GSDMC: variants seen among roughly 807,000 people sequenced by gnomAD.
The protein encoded by GSDMC is gasdermin-C.
Under a neutral mutation model 58.0 loss-of-function variants are expected in GSDMC, and 59 were observed. The observed-to-expected ratio is 1.02, with a 90% CI of 0.82 to 1.26. The LOEUF (loss-of-function observed/expected upper bound fraction) is 1.26, where lower values mean the gene tolerates loss of function less well. GSDMC is among the 50% of genes most tolerant of loss of function. The pLI, the probability that GSDMC is intolerant of heterozygous loss-of-function variation, is 0.00. For synonymous variants in GSDMC, 241 were observed against 220.2 expected (o/e 1.09, Z -0.83); for missense variants, 659 against 598.5 (o/e 1.10, Z -1.06).
chr8:129,749,295 A>G (rs2033072029), intron 13 of GSDMC, among the ~76,000 whole-genome samples, 157 bp downstream of exon 13: 1 of 152,168 alleles, frequency 6.6e-6, no homozygotes. Flanking sequence ...GGTCTCCAGA[A>G]GGACACTGCA....
the GSDMC span, among the ~76,000 whole-genome samples, chr8:129,707,687 C>T: frequency 6.6e-6 from 1 of 152,172 alleles, no homozygotes; most frequent in African/African-American, 2.4e-5. Flanking sequence ...TTTCTTGATA[C>T]ACATATATTC....
the GSDMC span, among the ~76,000 whole-genome samples, chr8:129,720,516 A>G: frequency 6.6e-6 from 1 of 152,208 alleles, no homozygotes; most frequent in Non-Finnish European, 1.5e-5. Flanking sequence ...ACATATAAGA[A>G]TAATTCCACA....
the GSDMC span, among the ~76,000 whole-genome samples, chr8:129,721,205 A>G: frequency 6.6e-6 from 1 of 152,042 alleles, no homozygotes; most frequent in Admixed American, 6.6e-5. Context: ...ATTGCCTCCC[A>G]CTTTAGAAAT....
At chr8:129,757,789 G>C (rs753070013) in intron 6 of GSDMC, among the ~76,000 whole-genome samples, 7 of 152,052 alleles carry the variant, frequency 4.6e-5, no homozygotes, top group Non-Finnish European at 1.5e-5. Flanking sequence ...TCAGGAGTTT[G>C]AGACCAGCCT....
the GSDMC span, among the ~76,000 whole-genome samples, chr8:129,714,277 T>C: frequency 6.6e-6 from 1 of 152,244 alleles, no homozygotes; most frequent in Non-Finnish European, 1.5e-5. Context: ...TGTCCCATGA[T>C]TATTGCCGCT....
chr8:129,748,027 A>C (rs1220869109), downstream of GSDMC, among the ~76,000 whole-genome samples: 1 of 152,072 alleles, frequency 6.6e-6, no homozygotes, highest in Admixed American at 6.5e-5. Context: ...GAAAAAAAAA[A>C]TCTCTTCTAT....
chr8:129,709,865 T>C, the GSDMC span, among the ~76,000 whole-genome samples: 10 of 152,336 alleles, frequency 6.6e-5, no homozygotes, highest in African/African-American at 2.4e-4. Context: ...AAATGACCTT[T>C]CCCCACTGGC....
chr8:129,714,697 T>G, the GSDMC span, among the ~76,000 whole-genome samples: 2 of 148,162 alleles, frequency 1.3e-5, no homozygotes, highest in East Asian at 3.9e-4. Context: ...TCCTCTAAAA[T>G]GAAGACATTC....
At chr8:129,725,399 G>A in the GSDMC span, among the ~76,000 whole-genome samples, 2 of 152,250 alleles carry the variant, frequency 1.3e-5, no homozygotes, top group Admixed American at 1.3e-4. Flanking sequence ...TTGATATTGT[G>A]TACTCTGCCA....
At chr8:129,768,809 G>C (rs534247562) in intron 3 of GSDMC, among the ~76,000 whole-genome samples, 1 of 152,336 alleles carries the variant, frequency 6.6e-6, no homozygotes, top group East Asian at 1.9e-4. Context: ...GCCAGGGCCA[G>C]TGGCTCATAC....
At chr8:129,720,395 A>C in the GSDMC span, among the ~76,000 whole-genome samples, 2 of 152,172 alleles carry the variant, frequency 1.3e-5, no homozygotes, top group Non-Finnish European at 2.9e-5. Context: ...TTTTTGTCTA[A>C]ATTCTCATTT....
the GSDMC span, among the ~76,000 whole-genome samples, chr8:129,734,475 C>G: frequency 6.6e-6 from 1 of 152,342 alleles, no homozygotes; most frequent in South Asian, 2.1e-4. Context: ...AACAGCAGAT[C>G]TCTCAGCAGA....
downstream of GSDMC, among the ~76,000 whole-genome samples, chr8:129,746,414 A>G (rs2032962744): frequency 6.6e-6 from 1 of 152,036 alleles, no homozygotes; most frequent in Admixed American, 6.6e-5. Context: ...AATGCAGACG[A>G]AAAAAAATCA....
intron 6 of GSDMC, among the ~76,000 whole-genome samples, chr8:129,753,893 CA>C (rs1184454485): frequency 6.6e-6 from 1 of 152,104 alleles, no homozygotes; most frequent in African/African-American, 2.4e-5. Flanking sequence ...TAATGGTGGC[CA>C]CAGAGAGAGC....
At chr8:129,766,120 A>C (rs1321592308) in intron 3 of GSDMC, among the ~76,000 whole-genome samples, 1 of 152,212 alleles carries the variant, frequency 6.6e-6, no homozygotes, top group Non-Finnish European at 1.5e-5. Context: ...GGCTAGAAGC[A>C]GACAGGTCCA....
At chr8:129,729,919 A>G in the GSDMC span, 1 of 1,395,250 alleles carries the variant, frequency 7.2e-7, no homozygotes, top group Non-Finnish European at 1.0e-6. Context: ...AATCCAAAAG[A>G]TTTGAGAATC....
chr8:129,747,202 A>C (rs2032980750), downstream of GSDMC, among the ~76,000 whole-genome samples: 1 of 151,866 alleles, frequency 6.6e-6, no homozygotes, highest in Non-Finnish European at 1.5e-5. Context: ...GGTTGCAGTG[A>C]GCCGAGATCG....
At chr8:129,707,555 G>A in the GSDMC span, among the ~76,000 whole-genome samples, 1 of 152,128 alleles carries the variant, frequency 6.6e-6, no homozygotes, top group African/African-American at 2.4e-5. Flanking sequence ...CTCAAATGCA[G>A]AATCACCAAA....
At chr8:129,737,454 T>C in the GSDMC span, among the ~76,000 whole-genome samples, 2 of 152,128 alleles carry the variant, frequency 1.3e-5, no homozygotes, top group African/African-American at 2.4e-5. Context: ...TGTAGACCAA[T>C]GGAACAGAAA....
Sources: allele counts gnomAD v4.1 joint callset (sites outside exome capture counted in the v4.1 genomes callset), GRCh38; gene constraint gnomAD v4.1.1; transcripts MANE v1.5; gene names NCBI Gene and HGNC (gene_info 2026-07-23, HGNC 2026-07-21).